The following LRRC4C variants were observed in gnomAD, a reference collection of about 807,000 sequenced individuals.
LRRC4C encodes the protein leucine-rich repeat-containing protein 4C.
Under a neutral mutation model 33.6 loss-of-function variants are expected in LRRC4C, and 5 were observed. That is an observed-to-expected ratio of 0.15 (90% confidence interval 0.08 to 0.31). The LOEUF is 0.31. Ranked by LOEUF, LRRC4C falls within the 10% of genes least tolerant of loss-of-function variation. LRRC4C has a pLI of 1.00. For missense variants in LRRC4C, 560 were observed against 796.7 expected (o/e 0.70, Z 3.58); for synonymous variants, 329 against 302.0 (o/e 1.09, Z -0.93).
At position 41,064,675 on chromosome 11, in the gene LRRC4C, G is replaced by A. The variant is rs374826110; in HGVS notation, c.-495-130952C>T. 5.3e-5 allele frequency among the ~76,000 whole-genome samples: 8 copies of A among 152,286 alleles called. No individual in the cohort carries two copies. The South Asian group carries it at 1.7e-3, about 32-fold the overall frequency. ...ACAGCTCTGTTCTGCAGCTCCAAGC[G>A]AGACCAATGCAGAAGGCGGGTGATT... On this transcript the variant is annotated intron_variant, in intron 1 of 6. Coordinates refer to ENST00000528697, the MANE Select transcript of LRRC4C (RefSeq NM_001258419.2).
At chr11:40,952,644 G>A (rs1481883041) in intron 1 of LRRC4C, among the ~76,000 whole-genome samples, 4 of 151,902 alleles carry the variant, frequency 2.6e-5, no homozygotes, top group Non-Finnish European at 5.9e-5. Context: ...GCAAACAGAT[G>A]GGTAGAGGTC....
rs1223920891 is a variant in LRRC4C, at chr11:40,580,034, T to C, written c.-270+68108A>G. On this transcript the variant is annotated intron_variant, in intron 3 of 6. Coordinates refer to ENST00000528697, the MANE Select transcript of LRRC4C (RefSeq NM_001258419.2). ...GACTAAGGGAAAATAATGTAATAGCTGTTTTGTTCAAGGGTACTTTTCAGG... is the reference window on the plus strand; with the variant it reads ...GACTAAGGGAAAATAATGTAATAGCCGTTTTGTTCAAGGGTACTTTTCAGG... Among the ~76,000 whole-genome samples, 16 of 150,684 alleles carry C rather than the reference T, an allele frequency of 1.1e-4. 1 individual carries two copies. Among genetic ancestry groups the C allele is most frequent in the Admixed American group, 8.7e-4 (13 of 14,942 alleles).
chr11:40,126,571 A>G (rs1046953163), intron 6 of LRRC4C, among the ~76,000 whole-genome samples: 2 of 152,242 alleles, frequency 1.3e-5, no homozygotes, highest in Admixed American at 1.3e-4. Flanking sequence ...ATATATGCAT[A>G]TAGGTACTAG....
At chr11:41,258,422 G>A (rs1268954501) in intron 1 of LRRC4C, among the ~76,000 whole-genome samples, 1 of 151,836 alleles carries the variant, frequency 6.6e-6, no homozygotes, top group Admixed American at 6.6e-5. Flanking sequence ...AGGACAAGTA[G>A]CAACACAAAC....
chr11:40,308,852 G>C (rs1945165010), intron 4 of LRRC4C, among the ~76,000 whole-genome samples: 1 of 152,176 alleles, frequency 6.6e-6, no homozygotes, highest in South Asian at 2.1e-4. Context: ...TGAACATCTA[G>C]ATCTAGTCAT....
chr11:40,180,481 C>T (rs1860895256), intron 5 of LRRC4C, among the ~76,000 whole-genome samples: 2 of 152,188 alleles, frequency 1.3e-5, no homozygotes, highest in Admixed American at 1.3e-4. Flanking sequence ...GGGAGGGATC[C>T]TGGCAGCATT....
chr11:40,415,249 T>C (rs1950284698), intron 3 of LRRC4C, among the ~76,000 whole-genome samples: 1 of 152,204 alleles, frequency 6.6e-6, no homozygotes, highest in African/African-American at 2.4e-5. Flanking sequence ...TTCACCAGTA[T>C]AGAATTTGTG....
chr11:40,312,051 G>C (rs1323790795), intron 4 of LRRC4C, among the ~76,000 whole-genome samples: 4 of 150,354 alleles, frequency 2.7e-5, no homozygotes, highest in Non-Finnish European at 5.9e-5. Flanking sequence ...CTTATGTCTT[G>C]TTATTTATCA....
intron 5 of LRRC4C, among the ~76,000 whole-genome samples, chr11:40,157,815 G>A (rs10837355): frequency 0.29 from 44,633 of 151,912 alleles, 6,855 homozygotes; most frequent in Non-Finnish European, 0.34. Context: ...TGGAGGGAAC[G>A]TGAACTAGTA....
At chr11:41,117,653 C>T (rs1455421541) in intron 1 of LRRC4C, among the ~76,000 whole-genome samples, 1 of 152,084 alleles carries the variant, frequency 6.6e-6, no homozygotes, top group African/African-American at 2.4e-5. Flanking sequence ...CTAAGTCATT[C>T]TCAGGTTGTA....
chr11:41,038,867 G>C (rs984239316), intron 1 of LRRC4C, among the ~76,000 whole-genome samples: 1 of 152,038 alleles, frequency 6.6e-6, no homozygotes, highest in Non-Finnish European at 1.5e-5. Flanking sequence ...GGAAAGAGAA[G>C]GTCACTCTCA....
chr11:41,417,993 TAC>T (rs1312400191), intron 1 of LRRC4C, among the ~76,000 whole-genome samples: 1 of 151,246 alleles, frequency 6.6e-6, no homozygotes, highest in South Asian at 2.1e-4. Context: ...TATATACATA[TAC>T]ACACACACAT....
intron 2 of LRRC4C, among the ~76,000 whole-genome samples, chr11:40,846,981 G>A (rs780118916): frequency 6.6e-6 from 1 of 152,154 alleles, no homozygotes; most frequent in Non-Finnish European, 1.5e-5. Flanking sequence ...GAATGCTTGT[G>A]ATTTTTGCAC....
intron 2 of LRRC4C, among the ~76,000 whole-genome samples, chr11:40,891,384 C>A (rs1955700895): frequency 6.6e-6 from 1 of 152,150 alleles, no homozygotes. Flanking sequence ...AGAGACATTT[C>A]TGTTTGTCAC....
intron 2 of LRRC4C, among the ~76,000 whole-genome samples, chr11:40,889,054 A>T (rs1027610497): frequency 6.6e-6 from 1 of 152,034 alleles, no homozygotes; most frequent in African/African-American, 2.4e-5. Context: ...AATTTAGTGT[A>T]CCATATAACC....
At chr11:40,487,885 C>CA (rs1400289533) in intron 3 of LRRC4C, among the ~76,000 whole-genome samples, 1 of 151,772 alleles carries the variant, frequency 6.6e-6, no homozygotes. Flanking sequence ...ATATATGTAC[C>CA]ACTTCTCTTA....
At chr11:40,123,494 T>G (rs1417089134) in intron 6 of LRRC4C, among the ~76,000 whole-genome samples, 1 of 152,086 alleles carries the variant, frequency 6.6e-6, no homozygotes, top group Admixed American at 6.6e-5. Context: ...CCATTTACTA[T>G]AGCTATAAAT....
intron 1 of LRRC4C, among the ~76,000 whole-genome samples, chr11:41,155,495 G>A (rs1944188638): frequency 6.6e-6 from 1 of 152,112 alleles, no homozygotes; most frequent in Non-Finnish European, 1.5e-5. Flanking sequence ...GATACGAAAC[G>A]TTTAACTTCT....
At chr11:41,220,026 G>A (rs1947234113) in intron 1 of LRRC4C, among the ~76,000 whole-genome samples, 2 of 152,140 alleles carry the variant, frequency 1.3e-5, no homozygotes, top group Non-Finnish European at 2.9e-5. Flanking sequence ...TAAAAGGCTA[G>A]TAGGGAGCCC....
Sources: allele counts gnomAD v4.1 joint callset (sites outside exome capture counted in the v4.1 genomes callset), GRCh38; gene constraint gnomAD v4.1.1; transcripts MANE v1.5; gene names NCBI Gene and HGNC (gene_info 2026-07-23, HGNC 2026-07-21).